Variants in TXLNB observed in about 807,000 individuals in gnomAD.
The protein encoded by TXLNB is taxilin beta.
A neutral mutation model predicts 57.4 loss-of-function variants in TXLNB; 37 were observed. The ratio of observed to expected loss-of-function variants is 0.64; its 90% CI spans 0.50 to 0.85. The LOEUF (loss-of-function observed/expected upper bound fraction) is 0.85. TXLNB is among the 40% of genes least tolerant of loss of function. TXLNB has a pLI of 0.00. For synonymous variants in TXLNB, 302 were observed against 309.6 expected, an observed-to-expected ratio of 0.98 and a Z score of 0.26; for missense variants, 848 against 825.6, an observed-to-expected ratio of 1.03 and a Z score of -0.33.
chr6:139,272,761 C>T (rs1050546242), intron 3 of TXLNB, among the ~76,000 whole-genome samples: 1 of 152,144 alleles, frequency 6.6e-6, no homozygotes, highest in Non-Finnish European at 1.5e-5. Context: ...AGGCCAGGCA[C>T]GGTGGCTCAT....
chr6:139,222,211 C>T, the TXLNB span, among the ~76,000 whole-genome samples: 1 of 151,860 alleles, frequency 6.6e-6, no homozygotes, highest in Non-Finnish European at 1.5e-5. Context: ...TACAGAAGTA[C>T]ATATTGCAAA....
rs550898491 is a variant in TXLNB at position 139,241,942 on chromosome 6, G to A, written c.*584C>T. ...TCTGCATTGAGAAAAATGCATTAAG[G>A]GGTGAGAGAAATGTATGTGTAATAA... is the stretch of plus-strand genomic sequence containing the variant. On this transcript the variant is annotated 3_prime_UTR_variant, in exon 10 of 10. Transcript: ENST00000358430. 3 of 152,140 alleles carry A rather than the reference G, an allele frequency of 2.0e-5. No individual in the cohort carries two copies. Among genetic ancestry groups the A allele is most frequent in the Admixed American group, 2.0e-4 (3 of 15,268 alleles). 9.4% of individuals were successfully genotyped at this position (152,140 alleles called of 1,614,324 possible). A position where few individuals can be genotyped will look rare whatever the true frequency, so the allele number is the denominator to read the frequency against.
the TXLNB span, among the ~76,000 whole-genome samples, chr6:139,203,865 G>A: frequency 6.6e-6 from 1 of 152,148 alleles, no homozygotes; most frequent in Non-Finnish European, 1.5e-5. Context: ...TTAGGGACTT[G>A]AGTTGAAATT....
intron 7 of TXLNB, among the ~76,000 whole-genome samples, chr6:139,255,112 G>A (rs1776302626): frequency 6.6e-6 from 1 of 152,212 alleles, no homozygotes; most frequent in South Asian, 2.1e-4. Context: ...GTGAGCCACT[G>A]CGCCCGGCCT....
the TXLNB span, among the ~76,000 whole-genome samples, chr6:139,172,528 C>T: frequency 1.3e-5 from 2 of 152,166 alleles, no homozygotes; most frequent in Admixed American, 1.3e-4. Context: ...TTAAGAAGTT[C>T]TTATTGGGCT....
chr6:139,167,859 G>T, the TXLNB span, among the ~76,000 whole-genome samples: 5 of 152,142 alleles, frequency 3.3e-5, no homozygotes, highest in Middle Eastern at 3.2e-3. Flanking sequence ...AAGGAGGGGC[G>T]ATGGGGAAGC....
At chr6:139,238,990 A>G (rs930620509), downstream of TXLNB, 1 of 152,122 alleles carries the variant, frequency 6.6e-6, no homozygotes, top group African/African-American at 2.4e-5. Context: ...CAACGAACAC[A>G]TGTTACTTTT....
At chr6:139,313,002 G>A in the TXLNB span, among the ~76,000 whole-genome samples, 4 of 151,868 alleles carry the variant, frequency 2.6e-5, no homozygotes, top group Non-Finnish European at 5.9e-5. Context: ...ACCTCTTTCA[G>A]TTACTCATCC....
the TXLNB span, chr6:139,174,322 T>G: frequency 1.3e-6 from 2 of 1,521,964 alleles, no homozygotes; most frequent in South Asian, 2.5e-5. Flanking sequence ...CATTTTTATC[T>G]CCTTGGAGAT....
chr6:139,208,052 G>T, the TXLNB span, among the ~76,000 whole-genome samples: 5,941 of 152,068 alleles, frequency 0.039, 164 homozygotes, highest in Middle Eastern at 0.068. Context: ...CTCCAGCCTG[G>T]ATGACAGAGT....
At chr6:139,263,892 AAAT>A (rs759491397) in intron 4 of TXLNB, among the ~76,000 whole-genome samples, 3 of 152,220 alleles carry the variant, frequency 2.0e-5, no homozygotes, top group Non-Finnish European at 2.9e-5. Context: ...TTTTTAAAAG[AAAT>A]AATAATTTTT....
At chr6:139,166,108 A>G in the TXLNB span, 1 of 568,674 alleles carries the variant, frequency 1.8e-6, no homozygotes, top group Non-Finnish European at 3.1e-6. Flanking sequence ...TTGGTTAAGT[A>G]GCTTCATCAT....
intron 1 of TXLNB, among the ~76,000 whole-genome samples, chr6:139,290,366 C>G (rs139265805): frequency 1.3e-5 from 2 of 152,234 alleles, no homozygotes; most frequent in East Asian, 3.9e-4. Flanking sequence ...GGTGACAGAG[C>G]AAGACTTCGT....
At chr6:139,318,069 AC>A in the TXLNB span, among the ~76,000 whole-genome samples, 2 of 151,940 alleles carry the variant, frequency 1.3e-5, no homozygotes, top group Non-Finnish European at 2.9e-5. Flanking sequence ...GGAGATCGAG[AC>A]CATCCTGGCT....
the TXLNB span, among the ~76,000 whole-genome samples, chr6:139,175,723 C>G: frequency 2.0e-5 from 3 of 152,108 alleles, no homozygotes; most frequent in Non-Finnish European, 4.4e-5. Flanking sequence ...CATGACTGCA[C>G]CGTGTGACTC....
chr6:139,186,315 A>G, the TXLNB span, among the ~76,000 whole-genome samples: 1 of 152,222 alleles, frequency 6.6e-6, no homozygotes, highest in Non-Finnish European at 1.5e-5. Flanking sequence ...CTGGAAGAAA[A>G]GGATTTGTAT....
chr6:139,259,025 T>C (rs928340565), intron 6 of TXLNB, among the ~76,000 whole-genome samples: 1 of 152,208 alleles, frequency 6.6e-6, no homozygotes, highest in Non-Finnish European at 1.5e-5. Flanking sequence ...GACTTTCTCC[T>C]TTTCTCTTTG....
At chr6:139,175,379 T>A in the TXLNB span, among the ~76,000 whole-genome samples, 2 of 152,238 alleles carry the variant, frequency 1.3e-5, no homozygotes, top group Non-Finnish European at 2.9e-5. Context: ...TGCATAGTTT[T>A]ATGTCTTTAG....
intron 6 of TXLNB, among the ~76,000 whole-genome samples, chr6:139,256,654 A>G (rs921130448): frequency 1.3e-5 from 2 of 152,246 alleles, no homozygotes; most frequent in Non-Finnish European, 2.9e-5. Context: ...GAGTACATCC[A>G]GAATCATTCT....
Sources: gnomAD v4.1 joint callset for allele counts (sites outside exome capture counted in the v4.1 genomes callset) on GRCh38, gnomAD v4.1.1 for gene constraint, MANE v1.5 for transcripts, NCBI Gene and HGNC (gene_info 2026-07-23, HGNC 2026-07-21) for gene names.